The following PANK2 variants were observed in gnomAD, a reference collection of about 807,000 sequenced individuals.
PANK2 encodes pantothenate kinase 2.
PANK2 carries 36 observed loss-of-function variants against 43.1 expected under a neutral mutation model. The ratio of observed to expected loss-of-function variants is 0.84; its 90% confidence interval spans 0.64 to 1.10. The LOEUF is 1.10. Ranked by LOEUF, PANK2 falls within the 50% of genes least tolerant of loss-of-function variation. PANK2 has a pLI of 0.00. For synonymous variants in PANK2, 281 were observed against 238.2 expected (o/e 1.18, Z -1.66); for missense variants, 576 against 593.3 (o/e 0.97, Z 0.30).
chr20:3,919,231 C>T (rs1018564195), intron 6 of PANK2, among the ~76,000 whole-genome samples: 6 of 152,080 alleles, frequency 3.9e-5, no homozygotes, highest in Non-Finnish European at 5.9e-5. Context: ...AGTTTAATTT[C>T]GTAACATTTG....
intron 1 of PANK2, among the ~76,000 whole-genome samples, chr20:3,894,038 T>A (rs1012783312): frequency 6.6e-6 from 1 of 150,676 alleles, no homozygotes; most frequent in Non-Finnish European, 1.5e-5. Flanking sequence ...TTCAAGCAAT[T>A]CTCCTGCCTC....
intron 6 of PANK2, among the ~76,000 whole-genome samples, chr20:3,920,564 A>T (rs1261173914): frequency 6.6e-6 from 1 of 151,516 alleles, no homozygotes; most frequent in Non-Finnish European, 1.5e-5. Flanking sequence ...AACACCAAAC[A>T]GGCCAGGTGC....
intron 1 of PANK2, chr20:3,890,065 C>T (rs974535170): frequency 6.3e-6 from 4 of 632,870 alleles, no homozygotes; most frequent in South Asian, 5.8e-5. Flanking sequence ...TGACTCATTT[C>T]CACCTCCTTT....
rs918344723 is a variant in PANK2, at chr20:3,924,524, G to A, written c.*1230G>A. 5 of 152,492 alleles carry A rather than the reference G, an allele frequency of 3.3e-5. No individual in the cohort carries two copies. The highest frequency in any genetic ancestry group is 7.3e-5 in the Non-Finnish European group (5 of 68,270). 9.4% of individuals were successfully genotyped at this position (152,492 alleles called of 1,614,324 possible). ...TGGGCTGTGGGCTGTTCCACTAGGCGTGGCCACCTCTGCACATGGGCCTTG... is the reference window on the plus strand; with the variant it reads ...TGGGCTGTGGGCTGTTCCACTAGGCATGGCCACCTCTGCACATGGGCCTTG... On this transcript the variant is annotated 3_prime_UTR_variant, in exon 7 of 7. Transcript: ENST00000610179.
At chr20:3,921,140 T>C (rs1193058123) in intron 6 of PANK2, 1 of 152,158 alleles carries the variant, frequency 6.6e-6, no homozygotes, top group African/African-American at 2.4e-5. Flanking sequence ...CATGTTGGTG[T>C]GCTGCACCCA....
intron 1 of PANK2, among the ~76,000 whole-genome samples, chr20:3,893,580 T>C (rs764686208): frequency 4.6e-5 from 7 of 152,110 alleles, no homozygotes; most frequent in African/African-American, 9.7e-5. Context: ...AACAAACTTA[T>C]CCTTTGAAGA....
chr20:3,895,749 A>G (rs1446697024), intron 1 of PANK2, among the ~76,000 whole-genome samples: 1 of 152,146 alleles, frequency 6.6e-6, no homozygotes, highest in Non-Finnish European at 1.5e-5. Context: ...TTTGCTTTCT[A>G]AAAATGAAAC....
intron 1 of PANK2, among the ~76,000 whole-genome samples, chr20:3,906,539 C>T (rs1036665361): frequency 2.6e-5 from 4 of 152,106 alleles, no homozygotes; most frequent in African/African-American, 4.8e-5. Context: ...TATTAGCCTA[C>T]AGTTGGGCAA....
At chr20:3,913,236 G>A (rs773763216) in intron 4 of PANK2, among the ~76,000 whole-genome samples, 1 of 151,990 alleles carries the variant, frequency 6.6e-6, no homozygotes, top group Non-Finnish European at 1.5e-5. Flanking sequence ...TCATATAAGT[G>A]GTATCATACA....
chr20:3,898,701 T>C (rs2090251047), intron 1 of PANK2, among the ~76,000 whole-genome samples: 1 of 152,108 alleles, frequency 6.6e-6, no homozygotes, highest in Non-Finnish European at 1.5e-5. Context: ...TCTTTGTTTG[T>C]TGGATTAATT....
intron 1 of PANK2, chr20:3,889,951 T>C (rs1267044490): frequency 6.6e-7 from 1 of 1,524,950 alleles, no homozygotes; most frequent in Non-Finnish European, 8.8e-7. Context: ...TTCCCGCTTG[T>C]TGGAGTGGAG....
Position 3,913,790 on chromosome 20 carries a change from A to ATTT in PANK2, c.1082+1170_1082+1172dup, listed in dbSNP as rs57042549. Among the ~76,000 whole-genome samples the ATTT allele has an allele frequency of 2.2e-3, 298 of 138,474 alleles. 4 individuals are homozygous for ATTT. The highest frequency in any genetic ancestry group is 5.7e-3 in the African/African-American group (210 of 36,942). The allele number at this position is 138,474 out of a possible 152,430, so 90.8% of individuals were successfully genotyped here. ...CACACACACACATATATATATATAT[A>ATTT]TTTTTTTTTTTTTTTTGAGACGGAG... On this transcript the variant is annotated intron_variant, in intron 4 of 6. Coordinates refer to ENST00000610179, the MANE Select transcript of PANK2 (RefSeq NM_001386393.1).
At chr20:3,903,304 C>T (rs2090333903) in intron 1 of PANK2, among the ~76,000 whole-genome samples, 1 of 151,378 alleles carries the variant, frequency 6.6e-6, no homozygotes, top group Non-Finnish European at 1.5e-5. Context: ...TGCACTGCCA[C>T]ACCGGGCTAA....
At chr20:3,913,852 G>C (rs2090512382) in intron 4 of PANK2, among the ~76,000 whole-genome samples, 1 of 149,596 alleles carries the variant, frequency 6.7e-6, no homozygotes, top group Non-Finnish European at 1.5e-5. Context: ...GCAGTGGCGT[G>C]ATCTCGGCTC....
rs1336557784 is a variant in PANK2, at chr20:3,908,043, G to A, written c.416G>A (p.Arg139Gln). Residue 139 changes from arginine to glutamine, a missense_variant, in exon 2 of 7, where the codon CGG (arginine) becomes CAG (glutamine). This residue lies in a region of PANK2 where 544 missense variants were observed against 528.9 expected (regional missense o/e 1.03). Coordinates refer to ENST00000610179, the MANE Select transcript of PANK2 (RefSeq NM_001386393.1). ...GAAGTGGAAAGTCTTAAAAGCATTC[G>A]GAAGTACCTGACCTCCAATGTGGCT... is the stretch of plus-strand genomic sequence containing the variant. 5.6e-6 allele frequency: 9 copies of A among 1,613,984 alleles called. No homozygotes were observed. The highest frequency in any genetic ancestry group is 2.7e-5 in the African/African-American group (2 of 74,884).
intron 1 of PANK2, among the ~76,000 whole-genome samples, chr20:3,890,130 T>A (rs1440161181): frequency 3.9e-5 from 6 of 152,224 alleles, no homozygotes; most frequent in Non-Finnish European, 2.9e-5. Flanking sequence ...TCCAAAGAGC[T>A]GCTCTCTAAT....
chr20:3,913,938 G>A (rs1455620787), intron 4 of PANK2, among the ~76,000 whole-genome samples: 2 of 151,720 alleles, frequency 1.3e-5, no homozygotes, highest in Admixed American at 6.6e-5. Flanking sequence ...ACAGGTGCCT[G>A]CCACCACGCC....
At position 3,917,055 on chromosome 20, in the gene PANK2, G is replaced by A; in HGVS notation, c.1206+5G>A. 6.2e-7 allele frequency: 1 copy of A among 1,613,996 alleles called. No homozygotes were observed. The highest frequency in any genetic ancestry group is 2.2e-5 in the East Asian group (1 of 44,868). ...AGAATGTGTGCCCTTAATGAAGTAA[G>A]GGGACATGGATTTCTTTAATTGCTC... On this transcript the variant is annotated splice_donor_5th_base_variant and intron_variant, in intron 5 of 6. Coordinates refer to ENST00000610179, the MANE Select transcript of PANK2 (RefSeq NM_001386393.1).
At chr20:3,907,505 G>T (rs990593690) in intron 1 of PANK2, among the ~76,000 whole-genome samples, 4 of 152,184 alleles carry the variant, frequency 2.6e-5, no homozygotes, top group East Asian at 1.9e-4. Flanking sequence ...TGTTACATAG[G>T]TTTGGGAATT....
Sources: gnomAD v4.1 joint callset for allele counts (sites outside exome capture counted in the v4.1 genomes callset) on GRCh38, gnomAD v4.1.1 for gene constraint, gnomAD v4.1.1 regional missense constraint, MANE v1.5 for transcripts, NCBI Gene and HGNC (gene_info 2026-07-23, HGNC 2026-07-21) for gene names.